Variants in WDSUB1 observed in about 807,000 individuals in gnomAD.
The protein encoded by WDSUB1 is WD repeat, SAM and U-box domain-containing protein 1.
A neutral mutation model predicts 53.9 loss-of-function variants in WDSUB1; 49 were observed. That is an observed-to-expected ratio of 0.91 (90% CI 0.72 to 1.15). The LOEUF is 1.15. Ranked by LOEUF, WDSUB1 falls within the 50% of genes most tolerant of loss-of-function variation. The pLI, the probability that WDSUB1 is intolerant of heterozygous loss-of-function variation, is 0.00. For synonymous variants in WDSUB1, 194 were observed against 200.6 expected (o/e 0.97, Z 0.28); for missense variants, 514 against 562.0 (o/e 0.91, Z 0.86).
chr2:159,269,147 T>C (rs182623586), intron 5 of WDSUB1, among the ~76,000 whole-genome samples: 4 of 150,704 alleles, frequency 2.7e-5, no homozygotes, highest in African/African-American at 9.7e-5. Flanking sequence ...CCAAAAGTGG[T>C]AAAATATCTT....
At position 159,238,628 on chromosome 2, in the gene WDSUB1, T is replaced by G. The variant is rs559891283; in HGVS notation, c.1274-2438A>C. ...CTTTATCAATCACTAAATTTCCAAATGTACATGGATCGATTTCTGGATTTT... is the reference window on the plus strand; with the variant it reads ...CTTTATCAATCACTAAATTTCCAAAGGTACATGGATCGATTTCTGGATTTT... On this transcript the variant is annotated intron_variant, in intron 10 of 10. Coordinates refer to ENST00000359774, the MANE Select transcript of WDSUB1 (RefSeq NM_001128212.3). Among the ~76,000 whole-genome samples the G allele has an allele frequency of 2.0e-5, 3 of 152,362 alleles. No homozygotes were observed. In the South Asian group the frequency reaches 6.2e-4, roughly 32 times the overall value.
At chr2:159,285,317 G>C (rs764829315) in intron 1 of WDSUB1, among the ~76,000 whole-genome samples, 1 of 152,142 alleles carries the variant, frequency 6.6e-6, no homozygotes, top group Non-Finnish European at 1.5e-5. Context: ...GGTGTCAAGT[G>C]AGGCAGAATC....
At chr2:159,283,149 T>C (rs1390993570) in intron 1 of WDSUB1, 56 bp from the exon 2 acceptor site, 6 of 1,466,244 alleles carry the variant, frequency 4.1e-6, no homozygotes, top group Non-Finnish European at 5.5e-6. Flanking sequence ...TACATGCAAT[T>C]TGAGTCTATA....
intron 9 of WDSUB1, 34 bp from the exon 10 acceptor site, chr2:159,248,546 A>G: frequency 5.4e-6 from 8 of 1,474,790 alleles, no homozygotes; most frequent in Non-Finnish European, 7.2e-6. Context: ...CTGGATAACT[A>G]CTAGTAATCC....
rs575088648 is a variant in WDSUB1 at position 159,273,881 on chromosome 2, T to TAA, written c.676+1663_676+1664dup. On this transcript the variant is annotated intron_variant, in intron 4 of 10. Coordinates refer to ENST00000359774, the MANE Select transcript of WDSUB1 (RefSeq NM_001128212.3). ...ATAAAAGGTTCTTCTCTATACACTA[T>TAA]AAACTAGGATAATTATGAACAACAA... 2.2e-4 allele frequency among the ~76,000 whole-genome samples: 34 copies of TAA among 152,320 alleles called. No individual in the cohort carries two copies. In the East Asian group the frequency reaches 6.6e-3, roughly 29 times the overall value.
At chr2:159,241,439 A>G (rs1476668825) in intron 10 of WDSUB1, among the ~76,000 whole-genome samples, 2 of 152,102 alleles carry the variant, frequency 1.3e-5, no homozygotes, top group Non-Finnish European at 2.9e-5. Flanking sequence ...GCACGTGCCC[A>G]TAATCCTAGC....
At chr2:159,246,874 CAA>C (rs2151061744) in intron 10 of WDSUB1, among the ~76,000 whole-genome samples, 1 of 152,280 alleles carries the variant, frequency 6.6e-6, no homozygotes, top group East Asian at 1.9e-4. Context: ...CAGCCAGACT[CAA>C]AAGAGTTGCA....
At chr2:159,280,036 G>T in intron 2 of WDSUB1, 91 bp from the exon 3 acceptor site, 1 of 1,177,548 alleles carries the variant, frequency 8.5e-7, no homozygotes, top group Non-Finnish European at 1.2e-6. Flanking sequence ...AGTGAAAAGA[G>T]AATAAATGGC....
chr2:159,267,294 TTTTC>T (rs1163855246), intron 5 of WDSUB1, among the ~76,000 whole-genome samples: 2 of 110,658 alleles, frequency 1.8e-5, no homozygotes, highest in East Asian at 2.1e-4. Flanking sequence ...TACACCTCTT[TTTTC>T]TTTCTTTTTT....
intron 8 of WDSUB1, among the ~76,000 whole-genome samples, chr2:159,256,597 CAAA>C (rs35877234): frequency 7.4e-6 from 1 of 135,108 alleles, no homozygotes; most frequent in Non-Finnish European, 1.6e-5. Flanking sequence ...AGACCAGTCT[CAAA>C]AAAAAAAAAA....
At chr2:159,250,794 C>T (rs1008924173) in intron 9 of WDSUB1, among the ~76,000 whole-genome samples, 3 of 152,050 alleles carry the variant, frequency 2.0e-5, no homozygotes, top group Non-Finnish European at 4.4e-5. Context: ...TCAAGATTTG[C>T]TGAAGTGGGG....
intron 5 of WDSUB1, among the ~76,000 whole-genome samples, chr2:159,261,524 A>G (rs12611889): frequency 0.5 from 76,469 of 151,840 alleles, 19,988 homozygotes; most frequent in Non-Finnish European, 0.55. Flanking sequence ...CTTTTATTTA[A>G]TCCTAAGTTC....
Position 159,236,187 on chromosome 2 carries a change from C to A in WDSUB1, c.1277G>T (p.Gly426Val). Residue 426 changes from glycine (G) to valine (V), a missense_variant, in exon 11 of 11, where the codon GGC becomes GTC. Coordinates refer to ENST00000359774, the MANE Select transcript of WDSUB1 (RefSeq NM_001128212.3). ...LMKDPVIASD[G>V]YSYEKEAMEN... ...CATTGCTTCCTTTTCATATGAATAG[C>A]CATCTAAAAAAAAAAAATCACACAA... 6.3e-7 allele frequency: 1 copy of A among 1,592,488 alleles called. No individual in the cohort carries two copies. The highest frequency in any genetic ancestry group is 8.5e-7 in the Non-Finnish European group (1 of 1,172,962).
intron 10 of WDSUB1, among the ~76,000 whole-genome samples, chr2:159,247,042 A>G (rs1031907749): frequency 6.6e-6 from 1 of 152,218 alleles, no homozygotes; most frequent in Non-Finnish European, 1.5e-5. Context: ...ACAGAACCCT[A>G]TTACACTCTT....
chr2:159,285,017 A>G (rs938860818), intron 1 of WDSUB1, among the ~76,000 whole-genome samples: 4 of 152,170 alleles, frequency 2.6e-5, no homozygotes, highest in Non-Finnish European at 2.9e-5. Flanking sequence ...ACATCACTCT[A>G]TATTCTCAGC....
chr2:159,276,245 A>G (rs184088729), intron 3 of WDSUB1, among the ~76,000 whole-genome samples: 1 of 152,170 alleles, frequency 6.6e-6, no homozygotes, highest in African/African-American at 2.4e-5. Context: ...TGTTTTTAGT[A>G]GAGACGGGGT....
At chr2:159,281,803 C>A (rs1440163927) in intron 2 of WDSUB1, among the ~76,000 whole-genome samples, 2 of 152,130 alleles carry the variant, frequency 1.3e-5, no homozygotes, top group African/African-American at 2.4e-5. Flanking sequence ...TGGGGAAACC[C>A]AGTCTCTACT....
chr2:159,257,832 G>C lies in WDSUB1; in HGVS notation c.878C>G (p.Thr293Ser). 6.2e-7 allele frequency: 1 copy of C among 1,614,160 alleles called. No homozygotes were observed. ...CATTGAACCAGTAGCAAGTAAAAGGGTATTAGGTGCAAAAGCACAAGTTGT... is the reference window on the plus strand; with the variant it reads ...CATTGAACCAGTAGCAAGTAAAAGGCTATTAGGTGCAAAAGCACAAGTTGT... ...YVTTCAFAPN[T>S]LLLATGSMDK... Residue 293 changes from threonine to serine, a missense_variant, in exon 8 of 11, where the codon ACC (threonine) becomes AGC (serine). By Grantham distance (58) the Thr-to-Ser change is moderately conservative. Transcript: ENST00000359774.
intron 5 of WDSUB1, among the ~76,000 whole-genome samples, chr2:159,271,023 G>T (rs1443578275): frequency 6.6e-6 from 1 of 152,094 alleles, no homozygotes; most frequent in Non-Finnish European, 1.5e-5. Flanking sequence ...ACCATAGTAA[G>T]GCAACACTAC....
Sources: gnomAD v4.1 joint callset for allele counts (sites outside exome capture counted in the v4.1 genomes callset) on GRCh38, gnomAD v4.1.1 for gene constraint, MANE v1.5 for transcripts, NCBI Gene and HGNC (gene_info 2026-07-23, HGNC 2026-07-21) for gene names.